Variants in GLT1D1 observed in about 807,000 individuals in gnomAD.
GLT1D1 encodes glycosyltransferase 1 domain-containing protein 1.
In GLT1D1, 21 loss-of-function variants were observed where a neutral mutation model predicts 28.7. That is an observed-to-expected ratio of 0.73 (90% CI 0.52 to 1.05). The LOEUF (loss-of-function observed/expected upper bound fraction) is 1.05. Ranked by LOEUF, GLT1D1 falls within the 50% of genes least tolerant of loss-of-function variation. GLT1D1 has a pLI of 0.00. For missense variants in GLT1D1, 343 were observed against 330.6 expected (o/e 1.04, Z -0.29); for synonymous variants, 147 against 124.8 (o/e 1.18, Z -1.19).
intron 1 of GLT1D1, among the ~76,000 whole-genome samples, chr12:128,859,372 G>T (rs547179333): frequency 6.6e-6 from 1 of 152,182 alleles, no homozygotes; most frequent in African/African-American, 2.4e-5. Flanking sequence ...GTAGATCAGC[G>T]ACTCTGCCTC....
chr12:128,884,712 G>C (rs985165286), intron 2 of GLT1D1, among the ~76,000 whole-genome samples: 1 of 152,042 alleles, frequency 6.6e-6, no homozygotes, highest in Non-Finnish European at 1.5e-5. Context: ...TACTTGGGAG[G>C]CTGAGGCAGG....
At chr12:128,872,837 TCG>T (rs1409846227) in intron 1 of GLT1D1, among the ~76,000 whole-genome samples, 1 of 152,002 alleles carries the variant, frequency 6.6e-6, no homozygotes, top group African/African-American at 2.4e-5. Flanking sequence ...ATACAAAAGC[TCG>T]TGTGTCTCTT....
chr12:128,872,678 C>T (rs1450686975), intron 1 of GLT1D1, among the ~76,000 whole-genome samples: 1 of 152,230 alleles, frequency 6.6e-6, no homozygotes, highest in South Asian at 2.1e-4. Context: ...GAGCTGAATA[C>T]GGTGAGCTCT....
chr12:128,968,036 G>C (rs71464425), intron 7 of GLT1D1, among the ~76,000 whole-genome samples: 1 of 151,956 alleles, frequency 6.6e-6, no homozygotes, highest in African/African-American at 2.4e-5. Flanking sequence ...TCGCTCTGTC[G>C]CCCAGGCTGG....
chr12:128,856,160 G>T (rs1442273382), intron 1 of GLT1D1, among the ~76,000 whole-genome samples: 1 of 152,160 alleles, frequency 6.6e-6, no homozygotes, highest in South Asian at 2.1e-4. Flanking sequence ...GCATTTCCAT[G>T]CATTTGCAAA....
intron 6 of GLT1D1, among the ~76,000 whole-genome samples, chr12:128,951,875 C>T (rs145309057): frequency 5.9e-5 from 9 of 152,352 alleles, no homozygotes; most frequent in East Asian, 5.8e-4. Context: ...GAAGTCTCTT[C>T]GCCCTCTGTT....
chr12:128,878,854 A>G (rs1956934456), intron 2 of GLT1D1, among the ~76,000 whole-genome samples: 1 of 152,130 alleles, frequency 6.6e-6, no homozygotes, highest in Admixed American at 6.6e-5. Context: ...GACTCAACCA[A>G]TCCACCCACC....
chr12:128,875,904 T>G lies in GLT1D1; in HGVS notation c.69-10T>G, dbSNP rs758744624. The G allele has an allele frequency of 1.7e-5, 27 of 1,610,352 alleles. No individual in the cohort carries two copies. Among genetic ancestry groups the G allele is most frequent in the Non-Finnish European group, 2.3e-5 (27 of 1,178,622 alleles). On this transcript the variant is annotated splice_polypyrimidine_tract_variant and intron_variant, in intron 1 of 7. Transcript: ENST00000281703. ...CTCATCTTCTCCTTTCTCTGTATTT[T>G]TTGATAAAGGGCCCATCTAGAGGCT...
chr12:128,957,159 C>T (rs965165718), intron 6 of GLT1D1, among the ~76,000 whole-genome samples: 4 of 152,164 alleles, frequency 2.6e-5, no homozygotes, highest in Admixed American at 1.3e-4. Flanking sequence ...ATTCATACTC[C>T]CTTGCCTGTG....
rs1387072005 is a variant in GLT1D1 at position 128,906,869 on chromosome 12, A to G, written c.375+7582A>G. The G allele has an allele frequency of 7.1e-6, 5 of 702,110 alleles. No homozygotes were observed. In the East Asian group the frequency reaches 1.1e-4, roughly 15 times the overall value. The allele number at this position is 702,110 out of a possible 1,614,324, so 43.5% of individuals were successfully genotyped here. On this transcript the variant is annotated intron_variant, in intron 4 of 7. Coordinates refer to ENST00000281703, the MANE Select transcript of GLT1D1 (RefSeq NM_144669.3). ...TAAAGTGTAATTTTACTTTGTGTAC[A>G]TTTACTCATCAAAATTCTTTTGGAA...
At chr12:128,944,378 C>G in intron 4 of GLT1D1, 2 of 1,007,918 alleles carry the variant, frequency 2.0e-6, no homozygotes, top group Non-Finnish European at 3.1e-6. Context: ...GTTTCCAACA[C>G]CGCTTTTTTT....
Position 128,947,342 on chromosome 12 carries a change from G to A in GLT1D1, c.424G>A (p.Ala142Thr), listed in dbSNP as rs144885531. ...TCTTCCTGCTTTGTGTTTCAGAGCC[G>A]CTGGGGTACGATTGATTGGAGAGAT... Residue 142 changes from alanine (A) to threonine (T), a missense_variant, in exon 6 of 8, where the codon GCT (alanine) becomes ACT (threonine). Physicochemically the swap from Ala to Thr is moderately conservative, Grantham distance 58 (BLOSUM62 0). Coordinates refer to ENST00000281703, the MANE Select transcript of GLT1D1 (RefSeq NM_144669.3). 22 of 1,613,826 alleles carry A rather than the reference G, an allele frequency of 1.4e-5. No individual in the cohort carries two copies. The highest frequency in any genetic ancestry group is 1.7e-4 in the Middle Eastern group (1 of 6,002).
chr12:128,960,622 T>A (rs931853298), intron 7 of GLT1D1, among the ~76,000 whole-genome samples: 1 of 151,226 alleles, frequency 6.6e-6, no homozygotes, highest in African/African-American at 2.4e-5. Flanking sequence ...CCAGGTGTGG[T>A]GGTGGGTGCA....
chr12:128,882,734 G>A (rs991843897), intron 2 of GLT1D1, among the ~76,000 whole-genome samples: 1 of 152,126 alleles, frequency 6.6e-6, no homozygotes, highest in African/African-American at 2.4e-5. Context: ...TTTCAAGTGT[G>A]TGTGAACAGA....
At chr12:128,945,136 G>A (rs530379027) in intron 4 of GLT1D1, 190 bp from the exon 9 acceptor site, 47 of 734,768 alleles carry the variant, frequency 6.4e-5, no homozygotes, top group Admixed American at 1.6e-4. Context: ...GATACGCGAC[G>A]ACACAGTGCC....
At chr12:128,895,570 C>A (rs1175631482) in intron 3 of GLT1D1, among the ~76,000 whole-genome samples, 1 of 151,812 alleles carries the variant, frequency 6.6e-6, no homozygotes, top group Non-Finnish European at 1.5e-5. Context: ...TATTCTCCTG[C>A]CTCAGCCTTC....
intron 3 of GLT1D1, among the ~76,000 whole-genome samples, chr12:128,889,787 C>G (rs1868828141): frequency 6.6e-6 from 1 of 152,294 alleles, no homozygotes; most frequent in African/African-American, 2.4e-5. Context: ...CTTCTCTTCT[C>G]TTTTCCTGAC....
chr12:128,950,442 G>A (rs1352887461), intron 6 of GLT1D1, among the ~76,000 whole-genome samples: 10 of 152,120 alleles, frequency 6.6e-5, no homozygotes, highest in African/African-American at 2.4e-4. Context: ...CAACTCCATC[G>A]CCACATGACA....
At chr12:128,927,795 C>T (rs1176330713) in intron 4 of GLT1D1, among the ~76,000 whole-genome samples, 12 of 150,922 alleles carry the variant, frequency 8.0e-5, no homozygotes, top group Non-Finnish European at 4.4e-5. Context: ...GGGCAGGAGT[C>T]GGAGACCAGC....
Sources: allele counts gnomAD v4.1 joint callset (sites outside exome capture counted in the v4.1 genomes callset), GRCh38; gene constraint gnomAD v4.1.1; transcripts MANE v1.5; gene names NCBI Gene and HGNC (gene_info 2026-07-23, HGNC 2026-07-21).